Variants in MRC1 observed in about 807,000 individuals in gnomAD.
MRC1 encodes the protein mannose receptor C-type 1, also known as macrophage mannose receptor 1.
Under a neutral mutation model 102.9 loss-of-function variants are expected in MRC1, and 62 were observed. The observed-to-expected ratio is 0.60, with a 90% confidence interval of 0.49 to 0.74. The LOEUF is 0.74. Ranked by LOEUF, MRC1 falls within the 30% of genes least tolerant of loss-of-function variation. The probability of loss-of-function intolerance (pLI) is 0.00; values close to 1 mark genes in which losing one functional copy is unlikely to be tolerated. For synonymous variants in MRC1, 457 were observed against 298.4 expected (o/e 1.53, Z -5.48); for missense variants, 1,237 against 862.8 (o/e 1.43, Z -5.43).
In MRC1 at chr10:17,910,510, A is replaced by G. The variant is rs1483873952; in HGVS notation, c.*45A>G. On this transcript the variant is annotated 3_prime_UTR_variant, in exon 30 of 30. Coordinates refer to ENST00000569591, the MANE Select transcript of MRC1 (RefSeq NM_002438.4). Reference sequence around the variant, plus strand: ...GATATTTGAATTTCATAAAATTGTAACTGAAATTTAAAATTTTTAGTTCAA... The same window carrying G: ...GATATTTGAATTTCATAAAATTGTAGCTGAAATTTAAAATTTTTAGTTCAA... 2.6e-6 allele frequency: 2 copies of G among 780,270 alleles called. No homozygotes were observed. Among genetic ancestry groups the G allele is most frequent in the East Asian group, 2.4e-5 (1 of 41,268 alleles). The allele number at this position is 780,270 out of a possible 1,614,324, so 48.3% of individuals were successfully genotyped here. A position where few individuals can be genotyped will look rare whatever the true frequency, so the allele number is the denominator to read the frequency against.
At chr10:17,847,577 CA>C (rs1838844285) in intron 6 of MRC1, among the ~76,000 whole-genome samples, 2 of 152,222 alleles carry the variant, frequency 1.3e-5, no homozygotes, top group African/African-American at 4.8e-5. Flanking sequence ...GGCAAGAATT[CA>C]ACCTCAAACC....
At chr10:17,812,272 T>C (rs1838235412) in intron 1 of MRC1, among the ~76,000 whole-genome samples, 1 of 152,146 alleles carries the variant, frequency 6.6e-6, no homozygotes, top group Non-Finnish European at 1.5e-5. Flanking sequence ...CAGCAAGGTT[T>C]CCAGCTCAGT....
intron 6 of MRC1, among the ~76,000 whole-genome samples, chr10:17,847,773 T>G (rs1475254459): frequency 1.3e-5 from 2 of 151,512 alleles, no homozygotes; most frequent in Non-Finnish European, 2.9e-5. Flanking sequence ...GTTGGTTGTT[T>G]TCATGCTTTC....
chr10:17,863,568 T>G lies in MRC1; in HGVS notation c.1669T>G (p.Leu557Val). 1.3e-6 allele frequency: 1 copy of G among 780,894 alleles called. No homozygotes were observed. Among genetic ancestry groups the G allele is most frequent in the South Asian group, 1.3e-5 (1 of 74,620 alleles). 48.4% of individuals were successfully genotyped at this position (780,894 alleles called of 1,614,324 possible). A position where few individuals can be genotyped will look rare whatever the true frequency, so the allele number is the denominator to read the frequency against. ...EQAFLTSFVGLRPEKYFWTGL... is the reference protein window; with the variant it reads ...EQAFLTSFVGVRPEKYFWTGL... ...AGCCTTCCTGACTAGTTTCGTTGGCTTAAGGCCTGAAAAATATTTCTGGAC... is the reference window on the plus strand; with the variant it reads ...AGCCTTCCTGACTAGTTTCGTTGGCGTAAGGCCTGAAAAATATTTCTGGAC... Residue 557 changes from leucine to valine, a missense_variant, in exon 11 of 30, where the codon TTA becomes GTA. Transcript: ENST00000569591.
intron 3 of MRC1, among the ~76,000 whole-genome samples, chr10:17,830,902 T>A (rs909270544): frequency 7.3e-5 from 11 of 150,712 alleles, no homozygotes; most frequent in East Asian, 5.8e-4. Context: ...ATATATATAT[T>A]TTTGGAGACA....
At position 17,898,207 on chromosome 10, in the gene MRC1, G is replaced by A. The variant is rs1833781172; in HGVS notation, c.3424G>A (p.Ala1142Thr). 2 of 780,710 alleles carry A rather than the reference G, an allele frequency of 2.6e-6. No individual in the cohort carries two copies. Among genetic ancestry groups the A allele is most frequent in the Admixed American group, 1.7e-5 (1 of 59,012 alleles). 48.4% of individuals were successfully genotyped at this position (780,710 alleles called of 1,614,324 possible). A position where few individuals can be genotyped will look rare whatever the true frequency, so the allele number is the denominator to read the frequency against. The part of the protein sequence containing the change: ...SILDPYSNAF[A>T]WLQMETSNER... ...TCTGGATCCCTACAGTAATGCATTT[G>A]CGTGGCTGCAGATGGAAACATCTAA... The change falls in exon 24 of 30, where the codon GCG becomes ACG. Residue 1142 changes from alanine to threonine, a missense_variant. Coordinates refer to ENST00000569591, the MANE Select transcript of MRC1 (RefSeq NM_002438.4).
At position 17,861,626 on chromosome 10, in the gene MRC1, T is replaced by C. The variant is rs1236649525; in HGVS notation, c.1634+124T>C. 1.6e-5 allele frequency: 10 copies of C among 633,772 alleles called. No individual in the cohort carries two copies. In the African/African-American group the frequency reaches 1.7e-4, roughly 11 times the overall value. 39.3% of individuals were successfully genotyped at this position (633,772 alleles called of 1,614,324 possible). ...GATCTTGAGGTATGATTTGTAAAGA[T>C]AGAAGCATTAAAAATAATATTCTTA... On this transcript the variant is annotated intron_variant, in intron 10 of 29. Transcript: ENST00000569591.
intron 12 of MRC1, among the ~76,000 whole-genome samples, chr10:17,869,920 T>A (rs1833330679): frequency 6.6e-6 from 1 of 152,228 alleles, no homozygotes; most frequent in Non-Finnish European, 1.5e-5. Flanking sequence ...TGCCACTTTT[T>A]ACACTTAACC....
At chr10:17,848,698 C>T (rs690958) in intron 6 of MRC1, among the ~76,000 whole-genome samples, 113,224 of 152,084 alleles carry the variant, frequency 0.74, 42,595 homozygotes, top group East Asian at 0.82. Flanking sequence ...TATGGGTACT[C>T]CTTTTCATGT....
intron 22 of MRC1, among the ~76,000 whole-genome samples, chr10:17,891,407 C>G (rs1833673856): frequency 6.6e-6 from 1 of 152,118 alleles, no homozygotes; most frequent in African/African-American, 2.4e-5. Flanking sequence ...ACCTCGTGAT[C>G]TGCCCGCCTC....
In MRC1 at chr10:17,861,399, C is replaced by T; in HGVS notation, c.1531C>T (p.His511Tyr). 1.1e-6 allele frequency: 1 copy of T among 872,374 alleles called. No individual in the cohort carries two copies. The highest frequency in any genetic ancestry group is 2.0e-6 in the Non-Finnish European group (1 of 501,334). The allele number at this position is 872,374 out of a possible 1,614,324, so 54.0% of individuals were successfully genotyped here. A position where few individuals can be genotyped will look rare whatever the true frequency, so the allele number is the denominator to read the frequency against. Residue 511 changes from histidine (H) to tyrosine (Y), a missense_variant, in exon 10 of 30, where the codon CAT becomes TAT. By Grantham distance (83) the His-to-Tyr change is moderately conservative (BLOSUM62 2). Coordinates refer to ENST00000569591, the MANE Select transcript of MRC1 (RefSeq NM_002438.4). The stretch of plus-strand genomic sequence containing the variant: ...ATAACATTAATAGGGCTGGAAAAAA[C>T]ATCACTTTTACTGCTATATGATTGG... ...EKGCRKGWKKHHFYCYMIGHT... is the reference protein window; with the variant it reads ...EKGCRKGWKKYHFYCYMIGHT...
At position 17,910,562 on chromosome 10, in the gene MRC1, C is replaced by G. The variant is rs1833955622; in HGVS notation, c.*97C>G. ...GTGATTGTTTTCTTTAAAATGAGTACTGAATTGTACTGGTCTGTCCTTTTT... is the reference window on the plus strand; with the variant it reads ...GTGATTGTTTTCTTTAAAATGAGTAGTGAATTGTACTGGTCTGTCCTTTTT... On this transcript the variant is annotated 3_prime_UTR_variant, in exon 30 of 30. Transcript: ENST00000569591. The G allele has an allele frequency of 7.8e-6, 6 of 773,828 alleles. No homozygotes were observed. Among genetic ancestry groups the G allele is most frequent in the South Asian group, 6.8e-5 (5 of 73,136 alleles). 47.9% of individuals were successfully genotyped at this position (773,828 alleles called of 1,614,324 possible). A position where few individuals can be genotyped will look rare whatever the true frequency, so the allele number is the denominator to read the frequency against.
chr10:17,869,036 G>T (rs1052165956), intron 12 of MRC1, among the ~76,000 whole-genome samples: 3 of 152,176 alleles, frequency 2.0e-5, no homozygotes, highest in African/African-American at 4.8e-5. Flanking sequence ...TTTTCTGAGA[G>T]AATCAGCAGT....
At chr10:17,846,757 T>G (rs200793564) in intron 6 of MRC1, among the ~76,000 whole-genome samples, 37,014 of 152,200 alleles carry the variant, frequency 0.24, 4,632 homozygotes, top group East Asian at 0.39. Context: ...TATAAACAGC[T>G]TCTATGTTTA....
intron 1 of MRC1, among the ~76,000 whole-genome samples, chr10:17,811,587 G>GT (rs1470438425): frequency 1.1e-4 from 17 of 151,884 alleles, no homozygotes; most frequent in African/African-American, 3.1e-4. Flanking sequence ...TTTGAGACTG[G>GT]TTTCACTCTG....
At chr10:17,860,917 G>A (rs1467248831) in intron 9 of MRC1, among the ~76,000 whole-genome samples, 2 of 152,196 alleles carry the variant, frequency 1.3e-5, no homozygotes, top group African/African-American at 2.4e-5. Context: ...ATTCGTTTAT[G>A]TGTATAATTT....
rs782566499 is a variant in MRC1 at position 17,823,179 on chromosome 10, A to G, written c.167A>G (p.Gln56Arg). The change falls in exon 2 of 30, where the codon CAG becomes CGG. Residue 56 changes from glutamine to arginine, a missense_variant. Coordinates refer to ENST00000569591, the MANE Select transcript of MRC1 (RefSeq NM_002438.4). The part of the protein sequence containing the change: ...TAACNQDAES[Q>R]KFRWVSESQI... ...GCTTGCAACCAGGATGCCGAATCACAGAAATTCCGATGGGTGTCCGAATCT... is the reference window on the plus strand; with the variant it reads ...GCTTGCAACCAGGATGCCGAATCACGGAAATTCCGATGGGTGTCCGAATCT... 3.8e-6 allele frequency: 3 copies of G among 780,764 alleles called. No homozygotes were observed. Among genetic ancestry groups the G allele is most frequent in the Non-Finnish European group, 7.2e-6 (3 of 417,978 alleles). 48.4% of individuals were successfully genotyped at this position (780,764 alleles called of 1,614,324 possible).
At position 17,827,663 on chromosome 10, in the gene MRC1, A is replaced by G; in HGVS notation, c.585A>G (p.Gly195=). The G allele has an allele frequency of 1.3e-6, 1 of 780,880 alleles. No homozygotes were observed. The highest frequency in any genetic ancestry group is 2.4e-6 in the Non-Finnish European group (1 of 417,968). 48.4% of individuals were successfully genotyped at this position (780,880 alleles called of 1,614,324 possible). Residue 195 remains glycine (G), a synonymous_variant, in exon 3 of 30, where the codon GGA becomes GGG. Coordinates refer to ENST00000569591, the MANE Select transcript of MRC1 (RefSeq NM_002438.4). ...GGTCGGATGGATGGCTCTGGTGCGG[A>G]ACCACTACTGACTATGACACAGACA... ...AGRSDGWLWC[G]TTTDYDTDKL... is the part of the protein sequence containing the mutation.
chr10:17,815,939 G>A (rs1487356857), intron 1 of MRC1, among the ~76,000 whole-genome samples: 2 of 152,056 alleles, frequency 1.3e-5, no homozygotes, highest in Admixed American at 6.6e-5. Flanking sequence ...AGATTCTCCT[G>A]CCTCAGCCCC....
Sources: allele counts gnomAD v4.1 joint callset (sites outside exome capture counted in the v4.1 genomes callset), GRCh38; gene constraint gnomAD v4.1.1; transcripts MANE v1.5; gene names NCBI Gene and HGNC (gene_info 2026-07-23, HGNC 2026-07-21).